Variants in MRTFA observed in about 807,000 individuals in gnomAD.
MRTFA encodes myocardin-related transcription factor A.
MRTFA carries 20 observed loss-of-function variants against 83.5 expected under a neutral mutation model. That is an observed-to-expected ratio of 0.24 (90% CI 0.17 to 0.35). The LOEUF is 0.35. Ranked by LOEUF, MRTFA falls within the 10% of genes least tolerant of loss-of-function variation. The pLI, the probability that MRTFA is intolerant of heterozygous loss-of-function variation, is 1.00. For missense variants in MRTFA, 1,200 were observed against 1,224.7 expected (o/e 0.98, Z 0.30); for synonymous variants, 659 against 541.2 (o/e 1.22, Z -3.02).
intron 2 of MRTFA, among the ~76,000 whole-genome samples, chr22:40,572,636 A>C (rs1168017351): frequency 6.6e-6 from 1 of 152,198 alleles, no homozygotes; most frequent in African/African-American, 2.4e-5. Context: ...GACATACCTG[A>C]GACTGGGAAG....
intron 3 of MRTFA, among the ~76,000 whole-genome samples, chr22:40,499,402 A>G (rs1176999467): frequency 2.0e-5 from 3 of 152,228 alleles, no homozygotes; most frequent in African/African-American, 7.2e-5. Flanking sequence ...CAGAGGTGCC[A>G]GAGCACACTA....
At chr22:40,514,287 ATAAAAGT>A (rs896664768) in intron 3 of MRTFA, among the ~76,000 whole-genome samples, 48 of 151,898 alleles carry the variant, frequency 3.2e-4, no homozygotes, top group Non-Finnish European at 1.2e-4. Flanking sequence ...TAAATAAATA[ATAAAAGT>A]TAAAAAGAGA....
intron 9 of MRTFA, among the ~76,000 whole-genome samples, chr22:40,421,852 G>A (rs961232172): frequency 1.3e-5 from 2 of 152,234 alleles, no homozygotes; most frequent in Admixed American, 6.5e-5. Flanking sequence ...AGACAAAAGC[G>A]TACAAGGCTG....
At chr22:40,412,219 C>T (rs967450523) in intron 14 of MRTFA, 1 of 204,384 alleles carries the variant, frequency 4.9e-6, no homozygotes, top group Admixed American at 5.9e-5. Context: ...ATACAAATGG[C>T]CAACAGCACA....
intron 1 of MRTFA, among the ~76,000 whole-genome samples, chr22:40,624,986 C>T (rs907164076): frequency 6.6e-6 from 1 of 152,140 alleles, no homozygotes; most frequent in Admixed American, 6.5e-5. Flanking sequence ...AGACTCATGA[C>T]AGATATCACA....
Position 40,417,364 on chromosome 22 carries a change from T to C in MRTFA, c.2494A>G (p.Met832Val). The C allele has an allele frequency of 6.2e-7, 1 of 1,611,480 alleles. No individual in the cohort carries two copies. Among genetic ancestry groups the C allele is most frequent in the East Asian group, 2.2e-5 (1 of 44,864 alleles). Reference sequence around the variant, plus strand: ...ACCTGCTGTTTGGGCTGCTGGCTCATGGCTTCCTCATAGCCAGGTGGTTCC... The same window carrying C: ...ACCTGCTGTTTGGGCTGCTGGCTCACGGCTTCCTCATAGCCAGGTGGTTCC... Residue 832 changes from methionine (M) to valine (V), a missense_variant, in exon 13 of 15, where the codon ATG becomes GTG. This residue lies in a region of MRTFA where 1,107 missense variants were observed against 1,041.8 expected (regional missense o/e 1.06). Coordinates refer to ENST00000355630, the MANE Select transcript of MRTFA (RefSeq NM_020831.6).
At chr22:40,499,979 T>C (rs1282809067) in intron 3 of MRTFA, among the ~76,000 whole-genome samples, 1 of 126,186 alleles carries the variant, frequency 7.9e-6, no homozygotes, top group East Asian at 2.9e-4. Flanking sequence ...TGGAATGAAA[T>C]GGTACGATCT....
chr22:40,435,683 AAC>A (rs2053155265), intron 4 of MRTFA, 129 bp from the exon 5 acceptor site: 1 of 961,930 alleles, frequency 1.0e-6, no homozygotes, highest in African/African-American at 1.6e-5. Context: ...CTGTAATCCC[AAC>A]ACTTTGGGAG....
chr22:40,429,620 T>C lies in MRTFA; in HGVS notation c.587A>G (p.Lys196Arg). Reference sequence around the variant, plus strand: ...GTCCTCCTCACCAATGATGGCTTCCTTCAGGCTGGACTCAACAGGAAGGAT... The same window carrying C: ...GTCCTCCTCACCAATGATGGCTTCCCTCAGGCTGGACTCAACAGGAAGGAT... The change falls in exon 7 of 15, where the codon AAG (lysine) becomes AGG (arginine). Residue 196 changes from lysine (K) to arginine (R), a missense_variant. This residue lies in a region of MRTFA where 93 missense variants were observed against 182.9 expected (regional missense o/e 0.51). Transcript: ENST00000355630. 1 of 1,614,142 alleles carries C rather than the reference T, an allele frequency of 6.2e-7. No homozygotes were observed. Among genetic ancestry groups the C allele is most frequent in the Non-Finnish European group, 8.5e-7 (1 of 1,180,022 alleles).
chr22:40,476,088 G>A (rs1286817795), intron 3 of MRTFA, among the ~76,000 whole-genome samples: 1 of 149,670 alleles, frequency 6.7e-6, no homozygotes, highest in Non-Finnish European at 1.5e-5. Context: ...AGCTTGCAGT[G>A]AGCTGAGATC....
chr22:40,439,771 G>C (rs565768964), intron 4 of MRTFA, among the ~76,000 whole-genome samples: 19 of 152,284 alleles, frequency 1.2e-4, no homozygotes, highest in African/African-American at 4.6e-4. Flanking sequence ...CCACGTAACA[G>C]CCTTTGGCAC....
chr22:40,620,124 A>AT (rs35417531), intron 1 of MRTFA, among the ~76,000 whole-genome samples: 11,221 of 131,472 alleles, frequency 0.085, 540 homozygotes, highest in Middle Eastern at 0.19. Context: ...CACCCAGCTA[A>AT]TTTTTTTTTT....
chr22:40,443,625 A>T lies in MRTFA; in HGVS notation c.308-8071T>A, dbSNP rs552407997. ...GGAAAGGGCAGCCCAGCACAACAGAAAACTTTTAGATACTTGTTCTACTCC... is the reference window on the plus strand; with the variant it reads ...GGAAAGGGCAGCCCAGCACAACAGATAACTTTTAGATACTTGTTCTACTCC... On this transcript the variant is annotated intron_variant, in intron 4 of 14. Coordinates refer to ENST00000355630, the MANE Select transcript of MRTFA (RefSeq NM_020831.6). 3.3e-4 allele frequency among the ~76,000 whole-genome samples: 51 copies of T among 152,270 alleles called. No homozygotes were observed. The South Asian group carries it at 0.01, about 31-fold the overall frequency.
intron 3 of MRTFA, among the ~76,000 whole-genome samples, chr22:40,505,189 G>A (rs565620659): frequency 7.9e-5 from 12 of 152,268 alleles, no homozygotes; most frequent in African/African-American, 2.9e-4. Flanking sequence ...CAGGCAAAGG[G>A]AAATGGAAAG....
intron 2 of MRTFA, among the ~76,000 whole-genome samples, chr22:40,589,687 G>A (rs1314039356): frequency 6.6e-6 from 1 of 152,178 alleles, no homozygotes; most frequent in Non-Finnish European, 1.5e-5. Flanking sequence ...AACTAAATTT[G>A]CGTCCCAAGG....
intron 8 of MRTFA, 118 bp downstream of exon 8, chr22:40,424,088 C>T: frequency 4.4e-6 from 5 of 1,142,468 alleles, no homozygotes; most frequent in Non-Finnish European, 6.0e-6. Flanking sequence ...ACTAGGGTAG[C>T]ATCCCCCTGG....
At chr22:40,415,755 C>G (rs2052665134) in intron 14 of MRTFA, among the ~76,000 whole-genome samples, 1 of 152,074 alleles carries the variant, frequency 6.6e-6, no homozygotes, top group Non-Finnish European at 1.5e-5. Context: ...AGAGAGCTCT[C>G]TACGGCCACC....
intron 3 of MRTFA, among the ~76,000 whole-genome samples, chr22:40,506,158 C>T (rs556064391): frequency 4.6e-5 from 7 of 152,106 alleles, no homozygotes; most frequent in Admixed American, 2.0e-4. Flanking sequence ...GGTGTGAACC[C>T]GGGAGGCGGA....
intron 2 of MRTFA, among the ~76,000 whole-genome samples, chr22:40,584,380 A>AT (rs1455860753): frequency 2.6e-5 from 4 of 152,208 alleles, no homozygotes; most frequent in Admixed American, 2.0e-4. Flanking sequence ...CCAAAAGCCA[A>AT]TAATAAAATA....
Sources: allele counts gnomAD v4.1 joint callset (sites outside exome capture counted in the v4.1 genomes callset), GRCh38; gene constraint gnomAD v4.1.1; regional missense constraint gnomAD v4.1.1; transcripts MANE v1.5; gene names NCBI Gene and HGNC (gene_info 2026-07-23, HGNC 2026-07-21).